The following SRCIN1 variants were observed in gnomAD, a reference collection of about 807,000 sequenced individuals.
SRCIN1 encodes the protein SRC kinase signaling inhibitor 1.
Under a neutral mutation model 116.2 loss-of-function variants are expected in SRCIN1, and 50 were observed. The observed-to-expected ratio is 0.43, with a 90% confidence interval of 0.34 to 0.54. The LOEUF (loss-of-function observed/expected upper bound fraction) is 0.54, where lower values mean the gene tolerates loss of function less well. SRCIN1 is among the 20% of genes least tolerant of loss of function. The pLI, the probability that SRCIN1 is intolerant of heterozygous loss-of-function variation, is 0.02. For missense variants in SRCIN1, 1,446 were observed against 1,672.0 expected (o/e 0.86, Z 2.36); for synonymous variants, 736 against 750.0 (o/e 0.98, Z 0.30).
At chr17:38,553,058 C>A (rs989701809) in intron 11 of SRCIN1, among the ~76,000 whole-genome samples, 1 of 152,042 alleles carries the variant, frequency 6.6e-6, no homozygotes, top group Non-Finnish European at 1.5e-5. Flanking sequence ...AGTTCAAGAC[C>A]ATCCTGGGCA....
chr17:38,549,192 C>A lies in SRCIN1; in HGVS notation c.2981G>T (p.Arg994Leu). The A allele has an allele frequency of 6.5e-7, 1 of 1,548,998 alleles. No homozygotes were observed. ...CTTGGAGGGCTTCTCTGTGCGGTAT[C>A]GGGGCACGGTCAACTCATCTGCAGG... ...RRGSDELTVP[R>L]YRTEKPSKSP... The change falls in exon 16 of 19, where the codon CGA becomes CTA. Residue 994 changes from arginine (R) to leucine (L), a missense_variant. By Grantham distance (102) the Arg-to-Leu change is moderately radical. This residue lies in a region of SRCIN1 where 531 missense variants were observed against 633.9 expected (regional missense o/e 0.84). Transcript: ENST00000617146.
In SRCIN1 at chr17:38,531,431, A is replaced by G. The variant is rs2040921072; in HGVS notation, c.*1866T>C. Reference sequence around the variant, plus strand: ...TTAAATATTTATATATATTTATATTACGTATATTATATATATAATATGTAA... The same window carrying G: ...TTAAATATTTATATATATTTATATTGCGTATATTATATATATAATATGTAA... On this transcript the variant is annotated 3_prime_UTR_variant, in exon 19 of 19. Coordinates refer to ENST00000617146, the MANE Select transcript of SRCIN1 (RefSeq NM_025248.3). 7.0e-6 allele frequency: 1 copy of G among 142,944 alleles called. No homozygotes were observed. Among genetic ancestry groups the G allele is most frequent in the African/African-American group, 2.5e-5 (1 of 39,316 alleles). 8.9% of individuals were successfully genotyped at this position (142,944 alleles called of 1,614,324 possible). A position where few individuals can be genotyped will look rare whatever the true frequency, so the allele number is the denominator to read the frequency against.
chr17:38,533,265 GGGGACAGGC>G lies in SRCIN1; in HGVS notation c.*23_*31del. On this transcript the variant is annotated 3_prime_UTR_variant, in exon 19 of 19. Transcript: ENST00000617146. ...GGGAGAAATGGCAGGAGTGAGGGAG[GGGGACAGGC>G]GGGGCAGCGGGGTGAGGGGCTTCTA... 6.5e-7 allele frequency: 1 copy of G among 1,531,710 alleles called. No homozygotes were observed. The highest frequency in any genetic ancestry group is 8.8e-7 in the Non-Finnish European group (1 of 1,135,130). The allele number at this position is 1,531,710 out of a possible 1,614,324, so 94.9% of individuals were successfully genotyped here.
In SRCIN1 at chr17:38,552,405, T is replaced by C; in HGVS notation, c.2480+42A>G. Reference sequence around the variant, plus strand: ...GTATGACCTATGGGTCTGGGCCCGGTGTGTGAACCCATGGGAAATCAGAGG... The same window carrying C: ...GTATGACCTATGGGTCTGGGCCCGGCGTGTGAACCCATGGGAAATCAGAGG... On this transcript the variant is annotated intron_variant, in intron 13 of 18. Coordinates refer to ENST00000617146, the MANE Select transcript of SRCIN1 (RefSeq NM_025248.3). This position sits in a 1 kb window ranked among gnomAD's most constrained non-coding sequence, Gnocchi z 5.3. 6.4e-7 allele frequency: 1 copy of C among 1,573,972 alleles called. No individual in the cohort carries two copies. The highest frequency in any genetic ancestry group is 8.6e-7 in the Non-Finnish European group (1 of 1,162,000).
intron 2 of SRCIN1, among the ~76,000 whole-genome samples, chr17:38,574,351 G>A (rs916236602): frequency 6.6e-6 from 1 of 152,222 alleles, no homozygotes; most frequent in Non-Finnish European, 1.5e-5. Context: ...AGGAAGAGGG[G>A]AATAAGTTCA....
rs1301664663 is a variant in SRCIN1 at position 38,568,255 on chromosome 17, G to C, written c.325-24C>G. The stretch of plus-strand genomic sequence containing the variant: ...GGCTGCTGATGGAAATAAGAGAAGA[G>C]ATGGTTATGAGGGGGCCCAGGAGGG... On this transcript the variant is annotated intron_variant, in intron 2 of 18. Coordinates refer to ENST00000617146, the MANE Select transcript of SRCIN1 (RefSeq NM_025248.3). This position sits in a 1 kb window ranked among gnomAD's most constrained non-coding sequence, Gnocchi z 4.5. 1 of 1,611,984 alleles carries C rather than the reference G, an allele frequency of 6.2e-7. No homozygotes were observed. The highest frequency in any genetic ancestry group is 8.5e-7 in the Non-Finnish European group (1 of 1,179,126).
chr17:38,594,217 T>C (rs1908591013), intron 1 of SRCIN1, among the ~76,000 whole-genome samples: 2 of 152,056 alleles, frequency 1.3e-5, no homozygotes, highest in Non-Finnish European at 2.9e-5. Context: ...ATCTCAAGTC[T>C]CTCCGCGTTC....
In SRCIN1 at chr17:38,563,489, G is replaced by A. The variant is rs774129976; in HGVS notation, c.574C>T (p.Arg192Trp). 1.3e-6 allele frequency: 2 copies of A among 1,553,470 alleles called. No individual in the cohort carries two copies. The highest frequency in any genetic ancestry group is 1.2e-5 in the South Asian group (1 of 84,212). ...ACCTCGTGCGTGATGTGCACGCGCC[G>A]AGTCTCCTCCCCGAACTGCAGGAAC... Reference protein sequence around the residue: ...VLFLQFGEETRRVHITHEVSS... With the variant: ...VLFLQFGEETWRVHITHEVSS... The change falls in exon 5 of 19, where the codon CGG (arginine) becomes TGG (tryptophan). Residue 192 changes from arginine to tryptophan, a missense_variant. Physicochemically the swap from Arg to Trp is moderately radical, Grantham distance 101 (BLOSUM62 -3). Transcript: ENST00000617146. The surrounding 1 kb of genome is among the most constrained non-coding windows in gnomAD (Gnocchi z 5.8).
At position 38,562,177 on chromosome 17, in the gene SRCIN1, C is replaced by T. The variant is rs1289938082; in HGVS notation, c.986G>A (p.Arg329His). ...CGGGCGCCCCCCGGCGTACGATAGG[C>T]GCGAACGCGACGGCGAACCGGACTG... The part of the protein sequence containing the change: ...GLQSGSPSRS[R>H]LSYAGGRPPS... Residue 329 changes from arginine to histidine, a missense_variant, in exon 7 of 19, where the codon CGC becomes CAC. By Grantham distance (29) the Arg-to-His change is conservative (BLOSUM62 0). Around this residue, in one of 5 missense-constraint regions of SRCIN1, gnomAD observed 239 missense variants for 317.7 expected, o/e 0.75. Transcript: ENST00000617146. The surrounding 1 kb of genome is among the most constrained non-coding windows in gnomAD (Gnocchi z 4.2). 4 of 1,388,490 alleles carry T rather than the reference C, an allele frequency of 2.9e-6. No individual in the cohort carries two copies. The Admixed American group carries it at 1.1e-4, about 38-fold the overall frequency. 86.0% of individuals were successfully genotyped at this position (1,388,490 alleles called of 1,614,324 possible). A position where few individuals can be genotyped will look rare whatever the true frequency, so the allele number is the denominator to read the frequency against.
chr17:38,594,141 G>A (rs1908587762), intron 1 of SRCIN1, among the ~76,000 whole-genome samples: 1 of 152,174 alleles, frequency 6.6e-6, no homozygotes, highest in African/African-American at 2.4e-5. Flanking sequence ...GCTGAGCCTT[G>A]GCCCCTCTGC....
At position 38,604,468 on chromosome 17, in the gene SRCIN1, C is replaced by CGCCTGCTCACCTG. The variant is rs1567890104; in HGVS notation, c.22+1203_22+1215dup. Reference sequence around the variant, plus strand: ...ATCCCCCTCCTTGCATACTTCCCCGCGCCTGCTCACCTGGCTCCCCTCGGC... The same window carrying CGCCTGCTCACCTG: ...ATCCCCCTCCTTGCATACTTCCCCGCGCCTGCTCACCTGGCCTGCTCACCTGGCTCCCCTCGGC... On this transcript the variant is annotated intron_variant, in intron 1 of 18. Coordinates refer to ENST00000617146, the MANE Select transcript of SRCIN1 (RefSeq NM_025248.3). This position sits in a 1 kb window ranked among gnomAD's most constrained non-coding sequence, Gnocchi z 4.3. The CGCCTGCTCACCTG allele has an allele frequency of 2.2e-6, 1 of 453,544 alleles. No homozygotes were observed. The highest frequency in any genetic ancestry group is 2.4e-5 in the Admixed American group (1 of 42,290). 28.1% of individuals were successfully genotyped at this position (453,544 alleles called of 1,614,324 possible).
chr17:38,560,030 TGGGGGA>T lies in SRCIN1; in HGVS notation c.1837+18_1837+23del. On this transcript the variant is annotated intron_variant, in intron 9 of 18. Coordinates refer to ENST00000617146, the MANE Select transcript of SRCIN1 (RefSeq NM_025248.3). The stretch of plus-strand genomic sequence containing the variant: ...AAAACAGGCTCGGAGAGAACAAGGA[TGGGGGA>T]GGGGGAGGTTCACTCACGTGCTGAG... 7.9e-6 allele frequency: 12 copies of T among 1,520,072 alleles called. No individual in the cohort carries two copies. Among genetic ancestry groups the T allele is most frequent in the Non-Finnish European group, 9.8e-6 (11 of 1,117,098 alleles). 94.2% of individuals were successfully genotyped at this position (1,520,072 alleles called of 1,614,324 possible).
intron 2 of SRCIN1, among the ~76,000 whole-genome samples, chr17:38,577,583 G>A (rs776857309): frequency 1.3e-5 from 2 of 152,192 alleles, no homozygotes; most frequent in Non-Finnish European, 2.9e-5. Flanking sequence ...AAAGGCTGCT[G>A]ATGGGATGTG....
intron 15 of SRCIN1, among the ~76,000 whole-genome samples, chr17:38,550,827 G>A (rs1269810966): frequency 2.0e-5 from 3 of 152,224 alleles, no homozygotes; most frequent in Non-Finnish European, 4.4e-5. Context: ...CAGTATCAGC[G>A]CTCAACCCGC....
At chr17:38,538,429 A>T (rs950011639) in intron 18 of SRCIN1, among the ~76,000 whole-genome samples, 9 of 147,762 alleles carry the variant, frequency 6.1e-5, no homozygotes, top group Non-Finnish European at 1.3e-4. Flanking sequence ...AAAAAAAAAA[A>T]AAAATAATAA....
At chr17:38,564,522 C>T (rs1906554333) in intron 3 of SRCIN1, among the ~76,000 whole-genome samples, 1 of 152,044 alleles carries the variant, frequency 6.6e-6, no homozygotes, top group Admixed American at 6.5e-5. Flanking sequence ...GGACACCCGG[C>T]AGGTAAGGAA....
chr17:38,548,717 G>T lies in SRCIN1; in HGVS notation c.3118-8C>A, dbSNP rs937319541. 2.5e-6 allele frequency: 4 copies of T among 1,583,126 alleles called. No individual in the cohort carries two copies. The highest frequency in any genetic ancestry group is 1.8e-5 in the Admixed American group (1 of 56,900). On this transcript the variant is annotated splice_region_variant and splice_polypyrimidine_tract_variant and intron_variant, in intron 16 of 18. Transcript: ENST00000617146. ...CTCCTCGGACTCAGCCTTCTGCAAG[G>T]CCCGGGACTCCTGTCAAGGCCAGGC...
chr17:38,583,190 T>C (rs1907916636), intron 1 of SRCIN1, among the ~76,000 whole-genome samples: 1 of 152,068 alleles, frequency 6.6e-6, no homozygotes, highest in South Asian at 2.1e-4. Context: ...CCTCAGTCTC[T>C]TGAGTAGCTG....
At chr17:38,561,148 C>T (rs1171595197) in intron 7 of SRCIN1, among the ~76,000 whole-genome samples, 1 of 152,194 alleles carries the variant, frequency 6.6e-6, no homozygotes, top group Non-Finnish European at 1.5e-5. Flanking sequence ...AGTGGTTCAA[C>T]CCCTCAATTT....
Sources: gnomAD v4.1 joint callset for allele counts (sites outside exome capture counted in the v4.1 genomes callset) on GRCh38, gnomAD v4.1.1 for gene constraint, gnomAD v4.1.1 regional missense constraint, Gnocchi (gnomAD v3.1) non-coding constraint, MANE v1.5 for transcripts, NCBI Gene and HGNC (gene_info 2026-07-23, HGNC 2026-07-21) for gene names.